Variants in MAN1B1 observed in about 807,000 individuals in gnomAD.
The protein encoded by MAN1B1 is endoplasmic reticulum mannosyl-oligosaccharide 1,2-alpha-mannosidase.
MAN1B1 carries 66 observed loss-of-function variants against 75.5 expected under a neutral mutation model. That is an observed-to-expected ratio of 0.87 (90% confidence interval 0.72 to 1.07). The LOEUF (loss-of-function observed/expected upper bound fraction) is 1.07. MAN1B1 is among the 50% of genes least tolerant of loss of function. MAN1B1 has a pLI of 0.00. For synonymous variants in MAN1B1, 453 were observed against 382.8 expected (o/e 1.18, Z -2.14); for missense variants, 973 against 912.5 (o/e 1.07, Z -0.85).
intron 3 of MAN1B1, among the ~76,000 whole-genome samples, chr9:137,095,642 G>A (rs1157215615): frequency 6.6e-6 from 1 of 152,176 alleles, no homozygotes; most frequent in African/African-American, 2.4e-5. Context: ...CTAGACTCAC[G>A]TAGGAGGACC....
chr9:137,103,108 C>T (rs1830936910), intron 8 of MAN1B1: 1 of 444,378 alleles, frequency 2.3e-6, no homozygotes, highest in Admixed American at 2.4e-5. Context: ...GGTGGTGTTA[C>T]ACACATGCTG....
Position 137,094,632 on chromosome 9 carries a change from G to A in MAN1B1, c.466-1605G>A, listed in dbSNP as rs564864094. On this transcript the variant is annotated intron_variant, in intron 3 of 12. Transcript: ENST00000371589. ...AGTGGCTCATGCCTGTAATCCCAGC[G>A]CTTTGGGAGGCTGAGACGGGTGGAT... Among the ~76,000 whole-genome samples the A allele has an allele frequency of 8.7e-4, 130 of 149,506 alleles. 1 individual carries two copies. Among genetic ancestry groups the A allele is most frequent in the Non-Finnish European group, 1.6e-3 (109 of 67,336 alleles).
chr9:137,091,889 C>T (rs1830527125), intron 3 of MAN1B1, among the ~76,000 whole-genome samples: 1 of 152,156 alleles, frequency 6.6e-6, no homozygotes, highest in African/African-American at 2.4e-5. Context: ...AACTCCTGAG[C>T]TGAAGTGATC....
At chr9:137,089,180 C>T (rs1830457927) in intron 3 of MAN1B1, 175 bp downstream of exon 3, 2 of 821,556 alleles carry the variant, frequency 2.4e-6, no homozygotes, top group African/African-American at 3.4e-5. Flanking sequence ...GTCTTTGCTT[C>T]ATTCTTTTTG....
At chr9:137,107,907 C>G in intron 12 of MAN1B1, 1 of 655,144 alleles carries the variant, frequency 1.5e-6, no homozygotes, top group Non-Finnish European at 2.8e-6. Context: ...ATTTTCATTT[C>G]TCAGGGCCTG....
At chr9:137,102,572 ATGTGCAGGT>A (rs2131055294) in intron 8 of MAN1B1, 4 of 293,970 alleles carry the variant, frequency 1.4e-5, no homozygotes, top group East Asian at 1.3e-4. Flanking sequence ...GCTGTTGCAG[ATGTGCAGGT>A]CGGTGCTGTT....
At chr9:137,104,151 C>T (rs1440824700) in intron 8 of MAN1B1, 14 of 438,828 alleles carry the variant, frequency 3.2e-5, no homozygotes, top group Non-Finnish European at 6.5e-5. Flanking sequence ...TCCCCAGTCC[C>T]TGAAAAACAC....
At chr9:137,105,752 C>G (rs1588649088) in intron 8 of MAN1B1, 1 of 417,836 alleles carries the variant, frequency 2.4e-6, no homozygotes, top group African/African-American at 2.1e-5. Flanking sequence ...AAGGCAGGCA[C>G]ACTTGCCGTC....
chr9:137,095,045 A>G (rs1327339840), intron 3 of MAN1B1, among the ~76,000 whole-genome samples: 1 of 145,420 alleles, frequency 6.9e-6, no homozygotes, highest in Non-Finnish European at 1.5e-5. Flanking sequence ...AAAATTAGCC[A>G]GGTGTGGTGA....
At chr9:137,088,748 C>T (rs1036083639) in intron 2 of MAN1B1, 121 bp from the exon 3 acceptor site, 6 of 1,059,334 alleles carry the variant, frequency 5.7e-6, no homozygotes, top group Admixed American at 3.8e-5. Context: ...ATTTCAGTGA[C>T]TATCAGGTAT....
Position 137,099,702 on chromosome 9 carries a change from T to C in MAN1B1, c.737T>C (p.Leu246Pro), listed in dbSNP as rs1830753950. 1.2e-6 allele frequency: 2 copies of C among 1,614,204 alleles called. No individual in the cohort carries two copies. The highest frequency in any genetic ancestry group is 1.7e-6 in the Non-Finnish European group (2 of 1,180,034). Reference protein sequence around the residue: ...PARTQGTPVHLNYRQKGVIDV... With the variant: ...PARTQGTPVHPNYRQKGVIDV... ...GCTCTCTCCCCCCTACTAGTGCATC[T>C]GAACTATCGCCAGAAGGGCGTGATT... The change falls in exon 6 of 13, where the codon CTG becomes CCG. Residue 246 changes from leucine (L) to proline (P), a missense_variant. Coordinates refer to ENST00000371589, the MANE Select transcript of MAN1B1 (RefSeq NM_016219.5).
chr9:137,097,722 T>G, intron 4 of MAN1B1, 106 bp from the exon 5 acceptor site: 2 of 874,724 alleles, frequency 2.3e-6, no homozygotes, highest in Middle Eastern at 2.5e-4. Flanking sequence ...ATGGGGCCGC[T>G]TTGGGTGCAG....
rs763324728 is a variant in MAN1B1, at chr9:137,087,004, C to A, written c.5C>A (p.Ala2Asp). 6.3e-7 allele frequency: 1 copy of A among 1,593,982 alleles called. No homozygotes were observed. The highest frequency in any genetic ancestry group is 8.5e-7 in the Non-Finnish European group (1 of 1,172,326). The change falls in exon 1 of 13, where the codon GCT becomes GAT. Residue 2 changes from alanine (A) to aspartate (D), a missense_variant. Physicochemically the swap from Ala to Asp is moderately radical, Grantham distance 126. Transcript: ENST00000371589. M[A>D]ACEGRRSGAL... is the part of the protein sequence containing the mutation. ...CGGGCTGTTGACGGCGCTGCGATGG[C>A]TGCCTGCGAGGGCAGGAGAAGCGGA...
chr9:137,094,142 G>A (rs1020783332), intron 3 of MAN1B1, among the ~76,000 whole-genome samples: 5 of 151,248 alleles, frequency 3.3e-5, no homozygotes, highest in Non-Finnish European at 5.9e-5. Flanking sequence ...AGCCTCCCAA[G>A]TAGCTGGGAT....
intron 1 of MAN1B1, among the ~76,000 whole-genome samples, chr9:137,087,816 C>G (rs969063837): frequency 1.3e-5 from 2 of 152,196 alleles, no homozygotes; most frequent in African/African-American, 2.4e-5. Flanking sequence ...CAGCAATGTT[C>G]CTACTCCCTG....
intron 2 of MAN1B1, 101 bp downstream of exon 2, chr9:137,088,284 T>A: frequency 1.2e-6 from 2 of 1,611,878 alleles, no homozygotes; most frequent in Non-Finnish European, 1.7e-6. Context: ...GAGGCATATA[T>A]GGCAACGAAT....
At chr9:137,098,029 C>T in intron 5 of MAN1B1, 92 bp downstream of exon 5, 4 of 949,808 alleles carry the variant, frequency 4.2e-6, no homozygotes, top group Middle Eastern at 3.0e-4. Context: ...TGGGTGGCGC[C>T]CCCGCCCTGG....
rs1364765516 is a variant in MAN1B1 at position 137,108,658 on chromosome 9, C to T, written c.*67C>T. ...CACCTTGCTGGGTCTGTGGCATTTTCCAAGGGCCCACGTAGCACCGGCAAC... is the reference window on the plus strand; with the variant it reads ...CACCTTGCTGGGTCTGTGGCATTTTTCAAGGGCCCACGTAGCACCGGCAAC... On this transcript the variant is annotated 3_prime_UTR_variant, in exon 13 of 13. Coordinates refer to ENST00000371589, the MANE Select transcript of MAN1B1 (RefSeq NM_016219.5). The T allele has an allele frequency of 6.7e-7, 1 of 1,495,036 alleles. No homozygotes were observed. Among genetic ancestry groups the T allele is most frequent in the Admixed American group, 1.7e-5 (1 of 59,796 alleles). 92.6% of individuals were successfully genotyped at this position (1,495,036 alleles called of 1,614,324 possible). A position where few individuals can be genotyped will look rare whatever the true frequency, so the allele number is the denominator to read the frequency against.
At chr9:137,102,932 G>T in intron 8 of MAN1B1, 1 of 430,616 alleles carries the variant, frequency 2.3e-6, no homozygotes, top group South Asian at 1.7e-5. Flanking sequence ...GCTGTTGCAG[G>T]CATGCAGGTC....
Sources: gnomAD v4.1 joint callset for allele counts (sites outside exome capture counted in the v4.1 genomes callset) on GRCh38, gnomAD v4.1.1 for gene constraint, MANE v1.5 for transcripts, NCBI Gene and HGNC (gene_info 2026-07-23, HGNC 2026-07-21) for gene names.